SVIL: variants seen among roughly 807,000 people sequenced by gnomAD.
The protein encoded by SVIL is supervillin.
A neutral mutation model predicts 240.4 loss-of-function variants in SVIL; 101 were observed. The observed-to-expected ratio is 0.42, with a 90% confidence interval of 0.36 to 0.50. The LOEUF is 0.50. SVIL is among the 20% of genes least tolerant of loss of function. The pLI is 0.01. For missense variants in SVIL, 2,512 were observed against 2,818.7 expected (o/e 0.89, Z 2.46); for synonymous variants, 999 against 1,100.0 (o/e 0.91, Z 1.82).
intron 3 of SVIL, among the ~76,000 whole-genome samples, chr10:29,656,490 A>T (rs911262302): frequency 4.6e-5 from 7 of 152,130 alleles, no homozygotes; most frequent in Non-Finnish European, 8.8e-5. Context: ...AAATAAACAT[A>T]GAAATTGAAC....
intron 1 of SVIL, among the ~76,000 whole-genome samples, chr10:29,701,145 C>T (rs1253358046): frequency 3.3e-5 from 5 of 152,114 alleles, no homozygotes; most frequent in Admixed American, 6.5e-5. Context: ...ATAACCATAC[C>T]CCACCCACCC....
chr10:29,502,696 G>T (rs1049919714), intron 17 of SVIL, among the ~76,000 whole-genome samples: 4 of 151,564 alleles, frequency 2.6e-5, no homozygotes, highest in African/African-American at 4.8e-5. Context: ...TGGGTGGGTG[G>T]GTGTGTGTGT....
chr10:29,486,691 G>T, intron 24 of SVIL, 134 bp from the exon 25 acceptor site: 1 of 928,372 alleles, frequency 1.1e-6, no homozygotes, highest in Non-Finnish European at 1.6e-6. Flanking sequence ...GGTGGATGCT[G>T]GTTACTGGGT....
chr10:29,589,570 G>A (rs1346389648), intron 1 of SVIL, among the ~76,000 whole-genome samples: 1 of 152,066 alleles, frequency 6.6e-6, no homozygotes, highest in Non-Finnish European at 1.5e-5. Context: ...TTCCTCTTCA[G>A]CTGCCGGCTT....
chr10:29,519,514 C>T (rs916374848), intron 16 of SVIL, among the ~76,000 whole-genome samples: 1 of 152,142 alleles, frequency 6.6e-6, no homozygotes, highest in African/African-American at 2.4e-5. Context: ...ATAGTTTAAG[C>T]TTCATTATTT....
At chr10:29,596,495 C>T (rs1388643537) in intron 1 of SVIL, among the ~76,000 whole-genome samples, 3 of 152,006 alleles carry the variant, frequency 2.0e-5, no homozygotes, top group Admixed American at 2.0e-4. Flanking sequence ...AAATTATTTG[C>T]CTTTGCCCAC....
rs796082935 is a variant in SVIL at position 29,555,337 on chromosome 10, CACACACAT to C, written c.-50-237_-50-230del. 3.8e-3 allele frequency among the ~76,000 whole-genome samples: 528 copies of C among 138,844 alleles called. 39 individuals carry two copies. The South Asian group carries it at 0.11, about 30-fold the overall frequency. 91.1% of individuals were successfully genotyped at this position (138,844 alleles called of 152,430 possible). ...AGACACACACACACACACACACACA[CACACACAT>C]GGACACACCCTAGGACGCATCATCC... is the stretch of plus-strand genomic sequence containing the variant. On this transcript the variant is annotated intron_variant, in intron 3 of 37. Coordinates refer to ENST00000355867, the MANE Select transcript of SVIL (RefSeq NM_021738.3).
rs1174760165 is a variant in SVIL at position 29,462,305 on chromosome 10, C to T, written c.6374G>A (p.Arg2125Lys). 4 of 1,614,102 alleles carry T rather than the reference C, an allele frequency of 2.5e-6. No individual in the cohort carries two copies. The highest frequency in any genetic ancestry group is 1.3e-5 in the African/African-American group (1 of 74,920). Residue 2125 changes from arginine (R) to lysine (K), a missense_variant, in exon 36 of 38, where the codon AGA becomes AAA. Arg to Lys is a conservative substitution (Grantham distance 26). Around this residue, in one of 3 missense-constraint regions of SVIL, gnomAD observed 797 missense variants for 925.3 expected, o/e 0.86. Transcript: ENST00000355867. ...CTCTGTGATCTCAGCGATGTCCTCT[C>T]TGTGCTCCCAGCTGGGAAACATATT... ...FTNMFPSWEH[R>K]EDIAEITEMD...
chr10:29,606,849 T>G (rs950575331), intron 1 of SVIL, among the ~76,000 whole-genome samples: 28 of 152,032 alleles, frequency 1.8e-4, no homozygotes, highest in African/African-American at 9.7e-5. Context: ...CTGCCTCCTG[T>G]GTTCAAGCAG....
Position 29,554,825 on chromosome 10 carries a change from G to A in SVIL, c.118C>T (p.Pro40Ser). 5.0e-6 allele frequency: 8 copies of A among 1,613,470 alleles called. No individual in the cohort carries two copies. The South Asian group carries it at 8.8e-5, about 18-fold the overall frequency. The change falls in exon 5 of 38, where the codon CCT becomes TCT. Residue 40 changes from proline to serine, a missense_variant. Pro to Ser is a moderately conservative substitution (Grantham distance 74). Transcript: ENST00000355867. ...GGGTCGCTGGCTCTCATGTATCGAG[G>A]GGTGTCTTCCTCCAGCAGGCGGTGA... ...VTHRLLEEDT[P>S]RYMRASDPAS...
At chr10:29,657,761 A>C (rs1400661713) in intron 3 of SVIL, 1 of 152,196 alleles carries the variant, frequency 6.6e-6, no homozygotes, top group Non-Finnish European at 1.5e-5. Context: ...AGACATTTCC[A>C]ACCATCACAG....
intron 1 of SVIL, among the ~76,000 whole-genome samples, chr10:29,618,984 C>A (rs1488513348): frequency 6.6e-6 from 1 of 152,158 alleles, no homozygotes; most frequent in Non-Finnish European, 1.5e-5. Context: ...CTAAAAGTGG[C>A]AACTCAAGAT....
At chr10:29,537,062 T>C (rs1951797052) in intron 6 of SVIL, among the ~76,000 whole-genome samples, 1 of 151,910 alleles carries the variant, frequency 6.6e-6, no homozygotes, top group Admixed American at 6.6e-5. Flanking sequence ...TAGCCTAATA[T>C]AAAAATAGCA....
At position 29,463,553 on chromosome 10, in the gene SVIL, G is replaced by C; in HGVS notation, c.6216C>G (p.Ala2072=). The change falls in exon 35 of 38, where the codon GCC becomes GCG. Residue 2072 remains alanine (A), a synonymous_variant. Coordinates refer to ENST00000355867, the MANE Select transcript of SVIL (RefSeq NM_021738.3). ...WPIENKITGS[A]RIRWASDRKS... ...TCCGGTCGGAGGCCCAGCGGATGCG[G>C]GCGGAACCAGTGATCTTGTTCTCGA... 1.2e-6 allele frequency: 2 copies of C among 1,614,164 alleles called. No individual in the cohort carries two copies. The highest frequency in any genetic ancestry group is 1.7e-6 in the Non-Finnish European group (2 of 1,180,040).
At position 29,512,722 on chromosome 10, in the gene SVIL, T is replaced by C; in HGVS notation, c.3516+13A>G. 6.2e-7 allele frequency: 1 copy of C among 1,614,148 alleles called. No homozygotes were observed. The highest frequency in any genetic ancestry group is 8.5e-7 in the Non-Finnish European group (1 of 1,180,030). On this transcript the variant is annotated intron_variant, in intron 17 of 37. Transcript: ENST00000355867. ...GTTAGTCGGAAGGCTTTTCCTAACATGGGGAATGTTACCTTCTTGATGAGG... is the reference window on the plus strand; with the variant it reads ...GTTAGTCGGAAGGCTTTTCCTAACACGGGGAATGTTACCTTCTTGATGAGG...
chr10:29,589,890 C>T (rs1956317952), intron 1 of SVIL, among the ~76,000 whole-genome samples: 1 of 152,062 alleles, frequency 6.6e-6, no homozygotes, highest in Non-Finnish European at 1.5e-5. Context: ...TGTTGTTGGC[C>T]AGGCGTGGTG....
intron 1 of SVIL, among the ~76,000 whole-genome samples, chr10:29,702,661 A>G (rs1962609035): frequency 6.6e-6 from 1 of 152,230 alleles, no homozygotes; most frequent in South Asian, 2.1e-4. Context: ...AACTTATTAC[A>G]GAGACACTGA....
At chr10:29,609,921 C>G (rs576239791) in intron 1 of SVIL, among the ~76,000 whole-genome samples, 34 of 152,332 alleles carry the variant, frequency 2.2e-4, no homozygotes, top group African/African-American at 7.2e-4. Context: ...ACAAGTCCAG[C>G]AGGCATGAGC....
chr10:29,464,165 G>A (rs543199063), intron 34 of SVIL, among the ~76,000 whole-genome samples: 2 of 152,312 alleles, frequency 1.3e-5, no homozygotes, highest in East Asian at 3.9e-4. Context: ...CACCGGGAGT[G>A]GTGGCTCATG....
Sources: allele counts gnomAD v4.1 joint callset (sites outside exome capture counted in the v4.1 genomes callset), GRCh38; gene constraint gnomAD v4.1.1; regional missense constraint gnomAD v4.1.1; transcripts MANE v1.5; gene names NCBI Gene and HGNC (gene_info 2026-07-23, HGNC 2026-07-21).